Variants in KANK1 observed in about 807,000 individuals in gnomAD.
KANK1 encodes the protein KN motif and ankyrin repeat domain-containing protein 1.
Under a neutral mutation model 106.2 loss-of-function variants are expected in KANK1, and 109 were observed. The ratio of observed to expected loss-of-function variants is 1.03; its 90% CI spans 0.88 to 1.20. The LOEUF (loss-of-function observed/expected upper bound fraction) is 1.20. Among genes scored for constraint, KANK1 ranks in the 50% most tolerant of loss-of-function variants. The pLI is 0.00. For missense variants in KANK1, 2,399 were observed against 1,710.7 expected (o/e 1.40, Z -7.10); for synonymous variants, 873 against 652.2 (o/e 1.34, Z -5.16).
Position 548,377 on chromosome 9 carries a change from G to A in KANK1, c.-84+43623G>A, listed in dbSNP as rs541483363. 2.4e-4 allele frequency among the ~76,000 whole-genome samples: 36 copies of A among 152,182 alleles called. 1 individual carries two copies. Among genetic ancestry groups the A allele is most frequent in the East Asian group, 1.7e-3 (9 of 5,182 alleles). On this transcript the variant is annotated intron_variant, in intron 1 of 11. Coordinates refer to ENST00000382297, the MANE Select transcript of KANK1 (RefSeq NM_015158.5). ...AAGGTTTGTCAGTGAGATAGTTGGG[G>A]GGTTCCTGAGCTTTTTATTGTTGTA...
intron 3 of KANK1, among the ~76,000 whole-genome samples, chr9:715,976 A>G (rs1452939029): frequency 6.6e-6 from 1 of 152,222 alleles, no homozygotes; most frequent in African/African-American, 2.4e-5. Flanking sequence ...TGTGCACACC[A>G]TACCATAGAG....
chr9:573,104 T>C (rs1431693894), intron 1 of KANK1, among the ~76,000 whole-genome samples: 2 of 152,170 alleles, frequency 1.3e-5, no homozygotes, highest in African/African-American at 4.8e-5. Context: ...GATGCTGATA[T>C]GCTGCTGCAG....
intron 1 of KANK1, among the ~76,000 whole-genome samples, chr9:562,670 A>T (rs543695928): frequency 3.3e-5 from 5 of 152,196 alleles, no homozygotes; most frequent in African/African-American, 1.2e-4. Context: ...CTGAGATGAT[A>T]TATTGGATAG....
At chr9:559,401 T>TA (rs3832615) in intron 1 of KANK1, among the ~76,000 whole-genome samples, 269 of 148,678 alleles carry the variant, frequency 1.8e-3, no homozygotes, top group Non-Finnish European at 2.1e-3. Context: ...TTGGAGAGGT[T>TA]AAAAAAAAAA....
At chr9:630,421 G>A (rs796644561) in intron 1 of KANK1, among the ~76,000 whole-genome samples, 11 of 151,406 alleles carry the variant, frequency 7.3e-5, no homozygotes, top group African/African-American at 2.7e-4. Flanking sequence ...CATGGTGGCG[G>A]GCGCCTGTAG....
chr9:527,327 GT>G lies in KANK1; in HGVS notation c.-84+22576del, dbSNP rs2059835913. On this transcript the variant is annotated intron_variant, in intron 1 of 11. Transcript: ENST00000382297. ...TTTGTTTGTTTGTTTTTGAAATGGA[GT>G]TTCACTCTTGTCGCCCTGGCTGGAG... Among the ~76,000 whole-genome samples, 4 of 151,598 alleles carry G rather than the reference GT, an allele frequency of 2.6e-5. No individual in the cohort carries two copies. The South Asian group carries it at 8.3e-4, about 31-fold the overall frequency.
intron 2 of KANK1, among the ~76,000 whole-genome samples, chr9:681,446 A>G (rs887275264): frequency 2.0e-5 from 3 of 152,146 alleles, no homozygotes; most frequent in East Asian, 3.8e-4. Context: ...AACTGAATGC[A>G]CTGATTGATA....
chr9:540,319 C>T lies in KANK1; in HGVS notation c.-84+35565C>T, dbSNP rs62531470. ...TGATTTTTATCCTCGATTTTGTTAA[C>T]GTGGTATTAGTTAATTTTAATTAAT... On this transcript the variant is annotated intron_variant, in intron 1 of 11. Coordinates refer to ENST00000382297, the MANE Select transcript of KANK1 (RefSeq NM_015158.5). Among the ~76,000 whole-genome samples, 609 of 152,222 alleles carry T rather than the reference C, an allele frequency of 4.0e-3. 1 individual carries two copies. The highest frequency in any genetic ancestry group is 4.3e-3 in the Non-Finnish European group (293 of 68,004).
chr9:733,537 A>C (rs1233127263), intron 6 of KANK1: 1 of 152,204 alleles, frequency 6.6e-6, no homozygotes, highest in Non-Finnish European at 1.5e-5. Flanking sequence ...ATATATGGTA[A>C]TTTGTGGAAA....
Position 738,565 on chromosome 9 carries a change from A to G in KANK1, c.3553+61A>G, listed in dbSNP as rs191635115. On this transcript the variant is annotated intron_variant, in intron 8 of 11. Transcript: ENST00000382297. ...CAGTACTTGGGTTGTGACTCATCTCAGAGAACCTGGTTGAGCCACTCCTGA... is the reference window on the plus strand; with the variant it reads ...CAGTACTTGGGTTGTGACTCATCTCGGAGAACCTGGTTGAGCCACTCCTGA... The G allele has an allele frequency of 8.9e-3, 12,083 of 1,361,280 alleles. 74 individuals are homozygous for G. Among genetic ancestry groups the G allele is most frequent in the Non-Finnish European group, 0.011 (10,807 of 952,620 alleles). 84.3% of individuals were successfully genotyped at this position (1,361,280 alleles called of 1,614,324 possible).
intron 3 of KANK1, chr9:488,930 T>G (rs1483359073): frequency 1.3e-5 from 2 of 151,964 alleles, no homozygotes; most frequent in Non-Finnish European, 2.9e-5. Context: ...AGTACTGGAA[T>G]AGAAGTTAGG....
At chr9:700,148 G>A (rs893000114) in intron 2 of KANK1, among the ~76,000 whole-genome samples, 1 of 152,188 alleles carries the variant, frequency 6.6e-6, no homozygotes, top group Non-Finnish European at 1.5e-5. Context: ...CTGAATGAAC[G>A]GGTTTTATCT....
intron 8 of KANK1, 140 bp downstream of exon 8, chr9:738,644 G>C: frequency 1.5e-6 from 1 of 674,708 alleles, no homozygotes; most frequent in South Asian, 1.9e-5. Context: ...GACATGGCAA[G>C]AATTTTCTTG....
Position 631,624 on chromosome 9 carries a change from A to G in KANK1, c.-83-45266A>G, listed in dbSNP as rs574938671. Among the ~76,000 whole-genome samples the G allele has an allele frequency of 6.6e-4, 100 of 152,286 alleles. 1 individual carries two copies. Among genetic ancestry groups the G allele is most frequent in the African/African-American group, 2.3e-3 (95 of 41,556 alleles). ...GCAGTAGTTACTGAAAACTAACCCA[A>G]TATGGTGGCTTCTGAGCTCAGGTGT... On this transcript the variant is annotated intron_variant, in intron 1 of 11. Coordinates refer to ENST00000382297, the MANE Select transcript of KANK1 (RefSeq NM_015158.5).
chr9:741,966 A>G (rs956935174), intron 9 of KANK1, among the ~76,000 whole-genome samples: 2 of 152,104 alleles, frequency 1.3e-5, no homozygotes, highest in Non-Finnish European at 2.9e-5. Flanking sequence ...CCCTTACTCT[A>G]CTGAGACATC....
At chr9:606,165 ACACACACACACACACACCACT>A (rs1829069435) in intron 1 of KANK1, among the ~76,000 whole-genome samples, 1 of 151,066 alleles carries the variant, frequency 6.6e-6, no homozygotes, top group Non-Finnish European at 1.5e-5. Flanking sequence ...ACACACACAC[ACACACACACACACACACCACT>A]CACACATATA....
chr9:610,261 T>A (rs183760879), intron 1 of KANK1, among the ~76,000 whole-genome samples: 60 of 152,316 alleles, frequency 3.9e-4, no homozygotes, highest in Admixed American at 1.2e-3. Flanking sequence ...AACACAATTA[T>A]CCTAATAAAT....
chr9:639,247 A>G (rs1263907679), intron 1 of KANK1, among the ~76,000 whole-genome samples: 1 of 152,090 alleles, frequency 6.6e-6, no homozygotes, highest in Admixed American at 6.6e-5. Context: ...CATTCTTATC[A>G]TTGGCAGTAA....
In KANK1 at chr9:744,552, T is replaced by C. The variant is rs879631100; in HGVS notation, c.3959T>C (p.Leu1320Pro). The stretch of plus-strand genomic sequence containing the variant: ...GGACACAAGGACATCGCTGTTCTTC[T>C]GTATGCCCATGTCAACTTTGCAAAA... ...EAGHKDIAVL[L>P]YAHVNFAKAQ... The change falls in exon 11 of 12, where the codon CTG becomes CCG. Residue 1320 changes from leucine to proline, a missense_variant. Transcript: ENST00000382297. The C allele has an allele frequency of 9.9e-6, 16 of 1,614,108 alleles. No individual in the cohort carries two copies. The highest frequency in any genetic ancestry group is 2.5e-6 in the Non-Finnish European group (3 of 1,180,042).
Sources: allele counts gnomAD v4.1 joint callset (sites outside exome capture counted in the v4.1 genomes callset), GRCh38; gene constraint gnomAD v4.1.1; transcripts MANE v1.5; gene names NCBI Gene and HGNC (gene_info 2026-07-23, HGNC 2026-07-21).